The following SYNPR variants were observed in gnomAD, a reference collection of about 807,000 sequenced individuals.
SYNPR encodes synaptoporin.
Under a neutral mutation model 32.9 loss-of-function variants are expected in SYNPR, and 23 were observed. The observed-to-expected ratio is 0.70, with a 90% confidence interval of 0.50 to 0.99. The LOEUF is 0.99. Among genes scored for constraint, SYNPR ranks in the 50% least tolerant of loss-of-function variants. The pLI, the probability that SYNPR is intolerant of heterozygous loss-of-function variation, is 0.00. For missense variants in SYNPR, 318 were observed against 349.3 expected (o/e 0.91, Z 0.71); for synonymous variants, 146 against 135.9 (o/e 1.07, Z -0.52).
chr3:63,601,966 C>T (rs1700051539), intron 4 of SYNPR, among the ~76,000 whole-genome samples: 1 of 152,124 alleles, frequency 6.6e-6, no homozygotes, highest in Non-Finnish European at 1.5e-5. Flanking sequence ...ATTAGCATTC[C>T]TTTTTCTCTG....
At position 63,556,716 on chromosome 3, in the gene SYNPR, G is replaced by A. The variant is rs755670900; in HGVS notation, c.383G>A (p.Arg128Gln). 2.1e-5 allele frequency: 34 copies of A among 1,604,264 alleles called. No homozygotes were observed. The highest frequency in any genetic ancestry group is 1.7e-4 in the Middle Eastern group (1 of 6,056). Residue 128 changes from arginine (R) to glutamine (Q), a missense_variant, in exon 4 of 6, where the codon CGG (arginine) becomes CAG (glutamine). Physicochemically the swap from Arg to Gln is conservative, Grantham distance 43. Transcript: ENST00000478300. ...TACATTTTCTTCCAGAACAAATACC[G>A]GGAAAACAACCGGGGCCCACTCATT... ...VVYIFFQNKYRENNRGPLIDF... is the reference protein window; with the variant it reads ...VVYIFFQNKYQENNRGPLIDF...
At chr3:63,474,601 T>C (rs1700865336) in intron 2 of SYNPR, among the ~76,000 whole-genome samples, 2 of 152,048 alleles carry the variant, frequency 1.3e-5, no homozygotes. Context: ...AGTATGTTCA[T>C]AGCTTGGAAT....
At chr3:63,483,374 A>G (rs1352424377) in intron 3 of SYNPR, among the ~76,000 whole-genome samples, 4 of 152,168 alleles carry the variant, frequency 2.6e-5, no homozygotes, top group South Asian at 2.1e-4. Flanking sequence ...AAGAAAAAAT[A>G]TAATAGTAAA....
At chr3:63,295,077 T>G (rs1325237312) in intron 2 of SYNPR, among the ~76,000 whole-genome samples, 3 of 151,882 alleles carry the variant, frequency 2.0e-5, no homozygotes, top group African/African-American at 7.3e-5. Context: ...CTGCCTGATG[T>G]CAAGGGTATT....
chr3:63,383,750 C>A (rs2088005506), intron 2 of SYNPR, among the ~76,000 whole-genome samples: 1 of 152,118 alleles, frequency 6.6e-6, no homozygotes, highest in Non-Finnish European at 1.5e-5. Context: ...TCTATGATGA[C>A]ACCAAGAAGA....
chr3:63,539,127 T>G (rs544902224), intron 3 of SYNPR, among the ~76,000 whole-genome samples: 13 of 152,252 alleles, frequency 8.5e-5, no homozygotes, highest in African/African-American at 2.9e-4. Flanking sequence ...ATCTGTTGTT[T>G]CAGTTTCAGT....
intron 2 of SYNPR, among the ~76,000 whole-genome samples, chr3:63,387,120 G>A (rs1451008126): frequency 1.3e-5 from 2 of 152,148 alleles, no homozygotes; most frequent in Non-Finnish European, 2.9e-5. Context: ...GACATACAAT[G>A]TTTATGCTCA....
intron 4 of SYNPR, among the ~76,000 whole-genome samples, chr3:63,601,933 G>C (rs935628052): frequency 5.9e-5 from 9 of 152,146 alleles, no homozygotes; most frequent in Non-Finnish European, 1.0e-4. Flanking sequence ...GGTTGAACTA[G>C]TTTACGCTCC....
chr3:63,479,415 A>G (rs1700997653), intron 2 of SYNPR, among the ~76,000 whole-genome samples: 2 of 144,868 alleles, frequency 1.4e-5, no homozygotes, highest in South Asian at 4.5e-4. Context: ...ACAGATTTTA[A>G]AAACTAGTCA....
chr3:63,264,481 T>C (rs2086464371), intron 2 of SYNPR, among the ~76,000 whole-genome samples: 1 of 152,170 alleles, frequency 6.6e-6, no homozygotes, highest in Non-Finnish European at 1.5e-5. Context: ...AAGTGCTCTA[T>C]ATGAAGGGCA....
chr3:63,562,827 G>T (rs1702714437), intron 4 of SYNPR, among the ~76,000 whole-genome samples: 3 of 152,100 alleles, frequency 2.0e-5, no homozygotes, highest in Admixed American at 2.0e-4. Flanking sequence ...CTAATTTATG[G>T]GGTGCTGGAT....
In SYNPR at chr3:63,417,781, C is replaced by T. The variant is rs191281769; in HGVS notation, c.85-63051C>T. On this transcript the variant is annotated intron_variant, in intron 2 of 5. Transcript: ENST00000478300. ...GAACTCTACCTTGGCCCCTTTTAGT[C>T]ATGGCTGGGGTGGCTGGGACACAGG... 1.5e-3 allele frequency among the ~76,000 whole-genome samples: 228 copies of T among 152,338 alleles called. 3 individuals carry two copies. Among genetic ancestry groups the T allele is most frequent in the African/African-American group, 5.1e-3 (212 of 41,582 alleles).
chr3:63,555,403 T>A (rs1417067381), intron 3 of SYNPR, among the ~76,000 whole-genome samples: 1 of 152,046 alleles, frequency 6.6e-6, no homozygotes, highest in African/African-American at 2.4e-5. Flanking sequence ...GTCATATCTT[T>A]TTGCAAGTGC....
At chr3:63,243,094 T>C (rs2086260637) in intron 1 of SYNPR, among the ~76,000 whole-genome samples, 1 of 152,044 alleles carries the variant, frequency 6.6e-6, no homozygotes, top group Admixed American at 6.6e-5. Flanking sequence ...ATCTAATATA[T>C]GTCTAATGGA....
At chr3:63,445,450 T>A in intron 2 of SYNPR, 2 of 640,296 alleles carry the variant, frequency 3.1e-6, no homozygotes, top group Non-Finnish European at 5.6e-6. Flanking sequence ...AAATCTGTCA[T>A]AATCTCTTCC....
chr3:63,472,418 A>G (rs1047744364), intron 2 of SYNPR, among the ~76,000 whole-genome samples: 3 of 152,184 alleles, frequency 2.0e-5, no homozygotes, highest in African/African-American at 4.8e-5. Flanking sequence ...AAATAAGCCA[A>G]TGTAATGATG....
intron 2 of SYNPR, among the ~76,000 whole-genome samples, chr3:63,354,419 A>G (rs1289426922): frequency 6.6e-6 from 1 of 152,166 alleles, no homozygotes; most frequent in East Asian, 1.9e-4. Flanking sequence ...ATTCATCATG[A>G]ATGTCAAACC....
At chr3:63,484,642 A>ACCT (rs35618846) in intron 3 of SYNPR, among the ~76,000 whole-genome samples, 65,432 of 151,720 alleles carry the variant, frequency 0.43, 14,117 homozygotes, top group East Asian at 0.49. Flanking sequence ...TGTGCTAGAT[A>ACCT]CCTTGACATA....
At chr3:63,211,308 C>A in the SYNPR span, among the ~76,000 whole-genome samples, 1 of 152,142 alleles carries the variant, frequency 6.6e-6, no homozygotes. Flanking sequence ...CTCAAATGAT[C>A]AACCTGCCTC....
Sources: gnomAD v4.1 joint callset for allele counts (sites outside exome capture counted in the v4.1 genomes callset) on GRCh38, gnomAD v4.1.1 for gene constraint, MANE v1.5 for transcripts, NCBI Gene and HGNC (gene_info 2026-07-23, HGNC 2026-07-21) for gene names.